Variants in AFF3 observed in about 807,000 individuals in gnomAD.
AFF3 encodes ALF transcription elongation factor 3.
AFF3 carries 32 observed loss-of-function variants against 129.7 expected under a neutral mutation model. The observed-to-expected ratio is 0.25, with a 90% CI of 0.19 to 0.33. The LOEUF is 0.33. Ranked by LOEUF, AFF3 falls within the 10% of genes least tolerant of loss-of-function variation. The pLI, the probability that AFF3 is intolerant of heterozygous loss-of-function variation, is 1.00. For synonymous variants in AFF3, 644 were observed against 635.4 expected (o/e 1.01, Z -0.20); for missense variants, 1,373 against 1,592.0 (o/e 0.86, Z 2.34).
chr2:100,122,281 GCA>G (rs1284350532), intron 2 of AFF3, among the ~76,000 whole-genome samples: 1 of 152,052 alleles, frequency 6.6e-6, no homozygotes, highest in East Asian at 1.9e-4. Context: ...TTGTCATTTA[GCA>G]CAATGGGATA....
At chr2:100,019,515 G>T (rs1473583209) in intron 4 of AFF3, among the ~76,000 whole-genome samples, 1 of 152,188 alleles carries the variant, frequency 6.6e-6, no homozygotes, top group African/African-American at 2.4e-5. Flanking sequence ...GAAACCAACA[G>T]AATAAGCTCA....
In AFF3 at chr2:99,820,687, T is replaced by C. The variant is rs369616885; in HGVS notation, c.921+16790A>G. 1.1e-4 allele frequency among the ~76,000 whole-genome samples: 14 copies of C among 122,842 alleles called. 1 individual carries two copies. The East Asian group carries it at 3.1e-3, about 27-fold the overall frequency. 80.6% of individuals were successfully genotyped at this position (122,842 alleles called of 152,430 possible). ...TAATAACACTTAAAACACAAACACA[T>C]TGTACAACACATTGTACAAAAAAGT... On this transcript the variant is annotated intron_variant, in intron 8 of 24. Transcript: ENST00000672756.
At chr2:100,078,736 G>T (rs1688797747) in intron 4 of AFF3, among the ~76,000 whole-genome samples, 1 of 152,068 alleles carries the variant, frequency 6.6e-6, no homozygotes, top group South Asian at 2.1e-4. Context: ...GACCCCTGGG[G>T]ATACCAAAAT....
chr2:99,703,369 G>C (rs1346406673), intron 11 of AFF3, among the ~76,000 whole-genome samples: 1 of 152,142 alleles, frequency 6.6e-6, no homozygotes, highest in Non-Finnish European at 1.5e-5. Flanking sequence ...ACGGTGGGGG[G>C]CATTATTCTA....
At chr2:99,707,549 C>A in intron 11 of AFF3, 1 of 977,124 alleles carries the variant, frequency 1.0e-6, no homozygotes, top group Non-Finnish European at 1.2e-6. Context: ...TATTGAATTA[C>A]CAAAGTATCT....
intron 8 of AFF3, among the ~76,000 whole-genome samples, chr2:99,821,621 C>T (rs1390968214): frequency 1.3e-5 from 2 of 152,196 alleles, no homozygotes; most frequent in Non-Finnish European, 2.9e-5. Context: ...ATAGTCAATA[C>T]ATAAACCAGT....
chr2:100,106,479 G>A, intron 2 of AFF3: 1 of 1,009,444 alleles, frequency 9.9e-7, no homozygotes, highest in Non-Finnish European at 1.2e-6. Context: ...TATCCCCTTA[G>A]CATACGCCTT....
At chr2:99,886,061 A>G (rs1249174073) in intron 7 of AFF3, among the ~76,000 whole-genome samples, 1 of 152,236 alleles carries the variant, frequency 6.6e-6, no homozygotes, top group East Asian at 1.9e-4. Context: ...AAGAGAAACA[A>G]GTCCTGAACA....
rs952945964 is a variant in AFF3 at position 99,548,495 on chromosome 2, G to C, written c.*2979C>G. 4 of 197,464 alleles carry C rather than the reference G, an allele frequency of 2.0e-5. No homozygotes were observed. Among genetic ancestry groups the C allele is most frequent in the African/African-American group, 9.2e-5 (4 of 43,410 alleles). 12.2% of individuals were successfully genotyped at this position (197,464 alleles called of 1,614,324 possible). A position where few individuals can be genotyped will look rare whatever the true frequency, so the allele number is the denominator to read the frequency against. On this transcript the variant is annotated 3_prime_UTR_variant, in exon 25 of 25. Transcript: ENST00000672756. ...CCAGGCATGGTGGCTCATGCACTTTGGGAGGCCGAGGCCAAAGGATCGCTT... is the reference window on the plus strand; with the variant it reads ...CCAGGCATGGTGGCTCATGCACTTTCGGAGGCCGAGGCCAAAGGATCGCTT...
chr2:99,719,441 G>C (rs1462186319), intron 11 of AFF3, among the ~76,000 whole-genome samples: 1 of 152,126 alleles, frequency 6.6e-6, no homozygotes, highest in Non-Finnish European at 1.5e-5. Flanking sequence ...GTTTATGTCA[G>C]GTTTTGGTAT....
At chr2:100,053,228 C>G (rs1686494131) in intron 4 of AFF3, among the ~76,000 whole-genome samples, 1 of 152,226 alleles carries the variant, frequency 6.6e-6, no homozygotes, top group Admixed American at 6.5e-5. Context: ...AACACTTGAA[C>G]TGTGTTGGGT....
intron 1 of AFF3, among the ~76,000 whole-genome samples, chr2:100,134,243 C>T (rs1214176925): frequency 1.3e-5 from 2 of 152,090 alleles, no homozygotes; most frequent in Admixed American, 6.5e-5. Context: ...TTCATATAAG[C>T]CTTGTATAAA....
intron 7 of AFF3, among the ~76,000 whole-genome samples, chr2:99,963,886 T>C (rs891349126): frequency 6.6e-6 from 1 of 152,034 alleles, no homozygotes; most frequent in African/African-American, 2.4e-5. Context: ...GAAACTGATT[T>C]CACATACAAC....
At chr2:100,073,140 G>A (rs1688328551) in intron 4 of AFF3, among the ~76,000 whole-genome samples, 1 of 152,180 alleles carries the variant, frequency 6.6e-6, no homozygotes, top group African/African-American at 2.4e-5. Context: ...ACAATATTCA[G>A]ATGCTGACAT....
chr2:99,975,629 T>A (rs1316422789), intron 7 of AFF3, among the ~76,000 whole-genome samples: 3 of 152,080 alleles, frequency 2.0e-5, no homozygotes, highest in Non-Finnish European at 4.4e-5. Context: ...ATTTTCATTT[T>A]TATTTTACTG....
intron 15 of AFF3, among the ~76,000 whole-genome samples, chr2:99,588,330 C>A (rs1678331816): frequency 6.6e-6 from 1 of 152,064 alleles, no homozygotes; most frequent in African/African-American, 2.4e-5. Flanking sequence ...GTGTGTGCCA[C>A]CATGCCTGGC....
intron 10 of AFF3, among the ~76,000 whole-genome samples, chr2:99,739,610 C>T (rs920670988): frequency 4.6e-5 from 7 of 151,654 alleles, no homozygotes; most frequent in East Asian, 1.9e-4. Flanking sequence ...ATTCAGCAAA[C>T]GATCTACCTT....
intron 11 of AFF3, among the ~76,000 whole-genome samples, chr2:99,676,076 C>A (rs868524145): frequency 8.6e-5 from 13 of 151,722 alleles, no homozygotes; most frequent in African/African-American, 3.1e-4. Context: ...TAGCCATCTG[C>A]ATGGAAGCAC....
At chr2:100,027,678 G>A (rs564618451) in intron 4 of AFF3, among the ~76,000 whole-genome samples, 2 of 151,930 alleles carry the variant, frequency 1.3e-5, no homozygotes, top group African/African-American at 2.4e-5. Context: ...GTTAAACTTT[G>A]CTGTTTGATA....
Sources: gnomAD v4.1 joint callset for allele counts (sites outside exome capture counted in the v4.1 genomes callset) on GRCh38, gnomAD v4.1.1 for gene constraint, MANE v1.5 for transcripts, NCBI Gene and HGNC (gene_info 2026-07-23, HGNC 2026-07-21) for gene names.